The following GSK3B variants were observed in gnomAD, a reference collection of about 807,000 sequenced individuals.
GSK3B encodes the protein glycogen synthase kinase-3 beta.
In GSK3B, 15 loss-of-function variants were observed where a neutral mutation model predicts 56.4. That is an observed-to-expected ratio of 0.27 (90% CI 0.18 to 0.41). GSK3B has a LOEUF of 0.41. Among genes scored for constraint, GSK3B ranks in the 10% least tolerant of loss-of-function variants. The pLI is 1.00. For missense variants in GSK3B, 300 were observed against 513.4 expected, an observed-to-expected ratio of 0.58 and a Z score of 4.02; for synonymous variants, 181 against 188.9, an observed-to-expected ratio of 0.96 and a Z score of 0.34.
chr3:120,002,103 A>G lies in GSK3B; in HGVS notation c.225T>C (p.Leu75=), dbSNP rs756977818. ...GSFGVVYQAK[L]CDSGELVAIK... is the part of the protein sequence containing the mutation. The stretch of plus-strand genomic sequence containing the variant: ...TGGCGACCAGTTCTCCTGAATCACA[A>G]AGTTTGGCTTGATATACCACACCAA... The change falls in exon 2 of 11, where the codon CTT becomes CTC. Residue 75 remains leucine, a synonymous_variant. Transcript: ENST00000264235. 6.2e-7 allele frequency: 1 copy of G among 1,609,994 alleles called. No homozygotes were observed. Among genetic ancestry groups the G allele is most frequent in the African/African-American group, 1.3e-5 (1 of 74,632 alleles).
chr3:119,901,756 T>G (rs1043135906), intron 7 of GSK3B, among the ~76,000 whole-genome samples: 1 of 152,108 alleles, frequency 6.6e-6, no homozygotes, highest in Non-Finnish European at 1.5e-5. Flanking sequence ...CCTCAGATAT[T>G]AAAACATAAG....
intron 1 of GSK3B, among the ~76,000 whole-genome samples, chr3:120,091,438 CTTAG>C (rs563048014): frequency 2.0e-4 from 31 of 152,200 alleles, no homozygotes; most frequent in Non-Finnish European, 3.4e-4. Context: ...TTACTCCATC[CTTAG>C]TTAGTATCTG....
At chr3:119,918,236 C>T (rs563432047) in intron 4 of GSK3B, among the ~76,000 whole-genome samples, 1 of 152,072 alleles carries the variant, frequency 6.6e-6, no homozygotes, top group Non-Finnish European at 1.5e-5. Context: ...TTTGGGAGAC[C>T]AAGGCAGGCG....
chr3:120,031,966 C>T (rs2057979907), intron 1 of GSK3B, among the ~76,000 whole-genome samples: 1 of 152,168 alleles, frequency 6.6e-6, no homozygotes, highest in Non-Finnish European at 1.5e-5. Flanking sequence ...TCTGGATTAA[C>T]ACTTAATGTC....
At position 119,824,796 on chromosome 3, in the gene GSK3B, C is replaced by T. The variant is rs1328458211; in HGVS notation, c.*1992G>A. ...AAACCCCTTTTGTGGCCCAAGACCT[C>T]AGCTAAACAGCGAGTGAAAACCAAG... On this transcript the variant is annotated 3_prime_UTR_variant, in exon 11 of 11. Transcript: ENST00000264235. The T allele has an allele frequency of 1.6e-5, 3 of 185,324 alleles. No individual in the cohort carries two copies. The highest frequency in any genetic ancestry group is 6.2e-5 in the Admixed American group (1 of 16,058). The allele number at this position is 185,324 out of a possible 1,614,324, so 11.5% of individuals were successfully genotyped here.
At chr3:119,997,410 T>A (rs901800809) in intron 2 of GSK3B, among the ~76,000 whole-genome samples, 3 of 151,908 alleles carry the variant, frequency 2.0e-5, no homozygotes, top group African/African-American at 4.8e-5. Context: ...AACAGAAAAA[T>A]TACTACACAT....
intron 3 of GSK3B, among the ~76,000 whole-genome samples, chr3:119,932,861 G>T (rs979138494): frequency 2.0e-5 from 3 of 152,146 alleles, no homozygotes; most frequent in Admixed American, 6.5e-5. Flanking sequence ...TGTAATCCCA[G>T]CACTTTGGGA....
chr3:120,090,251 C>A (rs1459419721), intron 1 of GSK3B, among the ~76,000 whole-genome samples: 1 of 151,248 alleles, frequency 6.6e-6, no homozygotes, highest in East Asian at 1.9e-4. Context: ...AAAATTAGGA[C>A]TTTGATGAGA....
chr3:119,830,055 GA>G (rs2055574693), intron 10 of GSK3B, among the ~76,000 whole-genome samples: 1 of 152,198 alleles, frequency 6.6e-6, no homozygotes, highest in Non-Finnish European at 1.5e-5. Flanking sequence ...AAAGTACAGA[GA>G]GGGAAAAAGT....
In GSK3B at chr3:120,049,654, T is replaced by A. The variant is rs182107650; in HGVS notation, c.88+43693A>T. Among the ~76,000 whole-genome samples, 52 of 152,106 alleles carry A rather than the reference T, an allele frequency of 3.4e-4. No homozygotes were observed. In the Middle Eastern group the frequency reaches 0.01, roughly 30 times the overall value. On this transcript the variant is annotated intron_variant, in intron 1 of 10. Coordinates refer to ENST00000264235, the MANE Select transcript of GSK3B (RefSeq NM_001146156.2). ...TAAGCTTTATTCTGTAACAAATGAG[T>A]AGTAAATAAAAGATTCATATGGGGG...
At chr3:120,000,635 C>T (rs963063544) in intron 2 of GSK3B, among the ~76,000 whole-genome samples, 17 of 152,004 alleles carry the variant, frequency 1.1e-4, no homozygotes, top group Admixed American at 1.3e-4. Context: ...TGCATAGTGA[C>T]AGAGGCTTAA....
At chr3:119,871,873 T>TA (rs2108043821) in intron 8 of GSK3B, among the ~76,000 whole-genome samples, 1 of 152,284 alleles carries the variant, frequency 6.6e-6, no homozygotes, top group Non-Finnish European at 1.5e-5. Flanking sequence ...ATGTAACTGT[T>TA]AAGAGATCAG....
chr3:119,995,259 AG>A (rs2057604153), intron 2 of GSK3B, among the ~76,000 whole-genome samples: 2 of 151,938 alleles, frequency 1.3e-5, no homozygotes, highest in East Asian at 1.9e-4. Context: ...GCTAAAGCCT[AG>A]GAGTTGAAGG....
chr3:119,905,980 A>C, intron 6 of GSK3B, 128 bp from the exon 7 acceptor site: 1 of 622,178 alleles, frequency 1.6e-6, no homozygotes. Flanking sequence ...ACAATCCAAA[A>C]CAGAGAAAAA....
chr3:119,848,773 A>C (rs544549263), intron 9 of GSK3B, among the ~76,000 whole-genome samples: 90 of 152,332 alleles, frequency 5.9e-4, no homozygotes, highest in Middle Eastern at 3.4e-3. Context: ...AAAAGCAATA[A>C]ATTGATGCTA....
rs1180827661 is a variant in GSK3B at position 119,825,302 on chromosome 3, C to T, written c.*1486G>A. 4.4e-6 allele frequency: 1 copy of T among 229,264 alleles called. No individual in the cohort carries two copies. The highest frequency in any genetic ancestry group is 8.6e-6 in the Non-Finnish European group (1 of 115,684). 14.2% of individuals were successfully genotyped at this position (229,264 alleles called of 1,614,324 possible). On this transcript the variant is annotated 3_prime_UTR_variant, in exon 11 of 11. Transcript: ENST00000264235. Reference sequence around the variant, plus strand: ...TGAAAATCTATTTCCTCACGGCAAACATAGTCCTTCAATTCTCCTTGCTTT... The same window carrying T: ...TGAAAATCTATTTCCTCACGGCAAATATAGTCCTTCAATTCTCCTTGCTTT...
At chr3:119,912,499 A>AG (rs1421364603) in intron 6 of GSK3B, among the ~76,000 whole-genome samples, 26 of 151,784 alleles carry the variant, frequency 1.7e-4, no homozygotes, top group African/African-American at 6.3e-4. Flanking sequence ...AACCTTTGAG[A>AG]GGTTAAAAAA....
chr3:120,026,944 G>A (rs1044150293), intron 1 of GSK3B, among the ~76,000 whole-genome samples: 21 of 151,106 alleles, frequency 1.4e-4, no homozygotes, highest in East Asian at 2.0e-4. Context: ...GGTGTCATGC[G>A]CCTGTAATCC....
intron 3 of GSK3B, among the ~76,000 whole-genome samples, chr3:119,944,443 C>T (rs969634976): frequency 6.6e-6 from 1 of 152,124 alleles, no homozygotes; most frequent in Admixed American, 6.6e-5. Context: ...TACCGTTTTG[C>T]TCTAGAGAAA....
Sources: allele counts gnomAD v4.1 joint callset (sites outside exome capture counted in the v4.1 genomes callset), GRCh38; gene constraint gnomAD v4.1.1; transcripts MANE v1.5; gene names NCBI Gene and HGNC (gene_info 2026-07-23, HGNC 2026-07-21).